The following USP44 variants were observed in gnomAD, a reference collection of about 807,000 sequenced individuals.
The protein encoded by USP44 is ubiquitin carboxyl-terminal hydrolase 44.
A neutral mutation model predicts 69.0 loss-of-function variants in USP44; 61 were observed. The observed-to-expected ratio is 0.88, with a 90% confidence interval of 0.72 to 1.09. USP44 has a LOEUF of 1.09. USP44 is among the 50% of genes least tolerant of loss of function. The pLI is 0.00. For synonymous variants in USP44, 297 were observed against 295.4 expected, an observed-to-expected ratio of 1.01 and a Z score of -0.06; for missense variants, 753 against 849.9, an observed-to-expected ratio of 0.89 and a Z score of 1.42.
chr12:95,534,207 T>G lies in USP44; in HGVS notation c.50A>C (p.Gln17Pro). 2 of 1,614,030 alleles carry G rather than the reference T, an allele frequency of 1.2e-6. No homozygotes were observed. Among genetic ancestry groups the G allele is most frequent in the Non-Finnish European group, 1.7e-6 (2 of 1,179,938 alleles). Residue 17 changes from glutamine to proline, a missense_variant, in exon 2 of 6, where the codon CAA becomes CCA. Gln to Pro is a moderately conservative substitution (Grantham distance 76). Coordinates refer to ENST00000258499, the MANE Select transcript of USP44 (RefSeq NM_032147.5). ...CTGAGGGTTGAGGCTGGAATGGTCT[T>G]GAGCAAGCTGCAGCTGCCCAACATG... ...CKHVGQLQLA[Q>P]DHSSLNPQKW...
chr12:95,547,794 G>A (rs939672622), intron 1 of USP44, among the ~76,000 whole-genome samples: 4 of 152,132 alleles, frequency 2.6e-5, no homozygotes, highest in Non-Finnish European at 5.9e-5. Context: ...TTAAAAGGTG[G>A]CGGGAGTGGG....
At chr12:95,551,190 C>G (rs962261953) in intron 1 of USP44, 82 bp downstream of exon 1, 1 of 152,050 alleles carries the variant, frequency 6.6e-6, no homozygotes, top group African/African-American at 2.4e-5. Context: ...CGAATCTAAG[C>G]TTTTTACTGT....
At chr12:95,530,707 CT>C (rs2076992599) in intron 2 of USP44, among the ~76,000 whole-genome samples, 1 of 150,440 alleles carries the variant, frequency 6.6e-6, no homozygotes, top group East Asian at 2.0e-4. Flanking sequence ...AAGAAAAACA[CT>C]TTCTGGAAAG....
In USP44 at chr12:95,524,747, C is replaced by T; in HGVS notation, c.1666G>A (p.Glu556Lys). The T allele has an allele frequency of 6.2e-7, 1 of 1,612,832 alleles. No homozygotes were observed. Among genetic ancestry groups the T allele is most frequent in the Non-Finnish European group, 8.5e-7 (1 of 1,179,592 alleles). ...CATATCATAAGTTGTTTCTGGGCTT[C>T]TGTGAGTACAACTGGTTTGGAGGAA... is the stretch of plus-strand genomic sequence containing the variant. ...RFSSKPVVLT[E>K]AQKQLMICHL... Residue 556 changes from glutamate (E) to lysine (K), a missense_variant, in exon 4 of 6, where the codon GAA becomes AAA. Transcript: ENST00000258499.
Position 95,533,135 on chromosome 12 carries a change from T to C in USP44, c.1122A>G (p.Pro374=). Residue 374 remains proline (P), a synonymous_variant, in exon 2 of 6, where the codon CCA becomes CCG. Coordinates refer to ENST00000258499, the MANE Select transcript of USP44 (RefSeq NM_032147.5). The part of the protein sequence containing the change: ...RKMELIQPKE[P]TSQYISLCHE... ...GACAAAGAGAAATGTACTGTGAAGT[T>C]GGCTCCTTTGGCTGAATAAGTTCCA... 3 of 1,614,242 alleles carry C rather than the reference T, an allele frequency of 1.9e-6. No individual in the cohort carries two copies. The highest frequency in any genetic ancestry group is 1.7e-6 in the Non-Finnish European group (2 of 1,180,058).
rs2076543403 is a variant in USP44, at chr12:95,518,355, T to C, written c.1940-2A>G. On this transcript the variant is annotated splice_acceptor_variant, in intron 5 of 5. Coordinates refer to ENST00000258499, the MANE Select transcript of USP44 (RefSeq NM_032147.5). LOFTEE classifies it high-confidence loss of function. ...AATCATTGCAGTGTACCCAGAACCC[T>C]AGAGTGAAGCACAGAAATACATTTA... 3 of 1,613,758 alleles carry C rather than the reference T, an allele frequency of 1.9e-6. No homozygotes were observed. The highest frequency in any genetic ancestry group is 1.1e-5 in the South Asian group (1 of 90,992).
chr12:95,539,201 G>T (rs2077305193), intron 1 of USP44, among the ~76,000 whole-genome samples: 1 of 150,346 alleles, frequency 6.7e-6, no homozygotes, highest in Non-Finnish European at 1.5e-5. Flanking sequence ...TTTTACCAGT[G>T]TGACTTGTCA....
At chr12:95,525,935 C>T (rs571431562) in intron 3 of USP44, among the ~76,000 whole-genome samples, 3 of 152,212 alleles carry the variant, frequency 2.0e-5, no homozygotes, top group Non-Finnish European at 4.4e-5. Flanking sequence ...GCTGGCCTTT[C>T]TTCCAGGTGT....
chr12:95,531,209 G>A (rs1201041209), intron 2 of USP44, among the ~76,000 whole-genome samples: 1 of 151,562 alleles, frequency 6.6e-6, no homozygotes, highest in East Asian at 1.9e-4. Flanking sequence ...ATGTTAAATA[G>A]CAGACATATA....
At chr12:95,547,709 G>C (rs771305668) in intron 1 of USP44, among the ~76,000 whole-genome samples, 8 of 152,168 alleles carry the variant, frequency 5.3e-5, no homozygotes, top group Admixed American at 2.0e-4. Flanking sequence ...AGGAATTCAA[G>C]TGCAGGACCT....
intron 1 of USP44, among the ~76,000 whole-genome samples, chr12:95,546,279 T>C (rs2140386800): frequency 6.6e-6 from 1 of 152,364 alleles, no homozygotes; most frequent in South Asian, 2.1e-4. Flanking sequence ...ACTCTGTCAT[T>C]CCAGCACATC....
chr12:95,520,959 A>T (rs778710150), intron 5 of USP44, 38 bp downstream of exon 5: 3 of 1,598,110 alleles, frequency 1.9e-6, no homozygotes, highest in Non-Finnish European at 1.7e-6. Context: ...CCAGCCTCCA[A>T]GTCCAACCCA....
chr12:95,537,236 A>G (rs978817138), intron 1 of USP44, among the ~76,000 whole-genome samples: 1 of 152,196 alleles, frequency 6.6e-6, no homozygotes, highest in Non-Finnish European at 1.5e-5. Context: ...AGGGCTCTGT[A>G]TTACCTTTTA....
At chr12:95,525,731 G>T (rs139129578) in intron 3 of USP44, among the ~76,000 whole-genome samples, 5 of 152,166 alleles carry the variant, frequency 3.3e-5, no homozygotes, top group African/African-American at 7.2e-5. Context: ...GATTCTTCTT[G>T]TTGTCCCTTC....
chr12:95,524,787 T>C lies in USP44; in HGVS notation c.1626A>G (p.Ser542=). 6.3e-7 allele frequency: 1 copy of C among 1,592,428 alleles called. No homozygotes were observed. Among genetic ancestry groups the C allele is most frequent in the Non-Finnish European group, 8.5e-7 (1 of 1,174,380 alleles). Residue 542 remains serine, a splice_region_variant and synonymous_variant, in exon 4 of 6, where the codon TCA becomes TCG. Coordinates refer to ENST00000258499, the MANE Select transcript of USP44 (RefSeq NM_032147.5). ...GTTTGGAGGAAAACCTTCTACGCTT[T>C]GCTGTAACATCAAAGAAAGAATAAA... is the stretch of plus-strand genomic sequence containing the variant. ...GKIYVCDQCN[S]KRRRFSSKPV...
At chr12:95,522,270 G>C (rs549770837) in intron 4 of USP44, among the ~76,000 whole-genome samples, 4 of 151,938 alleles carry the variant, frequency 2.6e-5, no homozygotes, top group Admixed American at 6.6e-5. Flanking sequence ...AGAAGGGAGA[G>C]ACAAGAACAT....
At chr12:95,525,693 C>G (rs115272563) in intron 3 of USP44, among the ~76,000 whole-genome samples, 1 of 152,196 alleles carries the variant, frequency 6.6e-6, no homozygotes, top group Non-Finnish European at 1.5e-5. Context: ...GCTCTTTTAG[C>G]ACTAGATCTT....
chr12:95,520,291 G>GACC (rs1313773760), intron 5 of USP44, among the ~76,000 whole-genome samples: 1 of 151,918 alleles, frequency 6.6e-6, no homozygotes, highest in Non-Finnish European at 1.5e-5. Flanking sequence ...AGGAGATTGA[G>GACC]ACCATCCTGG....
intron 3 of USP44, among the ~76,000 whole-genome samples, chr12:95,528,103 T>TGA (rs2076909423): frequency 6.6e-6 from 1 of 152,192 alleles, no homozygotes. Flanking sequence ...CCTCCCAACG[T>TGA]GGTAGGATTA....
Sources: gnomAD v4.1 joint callset for allele counts (sites outside exome capture counted in the v4.1 genomes callset) on GRCh38, gnomAD v4.1.1 for gene constraint, MANE v1.5 for transcripts, NCBI Gene and HGNC (gene_info 2026-07-23, HGNC 2026-07-21) for gene names.